DNAJC13: variants seen among roughly 807,000 people sequenced by gnomAD.
DNAJC13 encodes DnaJ heat shock protein family (Hsp40) member C13.
Under a neutral mutation model 290.5 loss-of-function variants are expected in DNAJC13, and 75 were observed. That is an observed-to-expected ratio of 0.26 (90% CI 0.21 to 0.31). The LOEUF (loss-of-function observed/expected upper bound fraction) is 0.31. DNAJC13 is among the 10% of genes least tolerant of loss of function. The probability of loss-of-function intolerance (pLI) is 1.00; values close to 1 mark genes in which losing one functional copy is unlikely to be tolerated. For missense variants in DNAJC13, 2,260 were observed against 2,674.5 expected (o/e 0.85, Z 3.42); for synonymous variants, 862 against 892.0 (o/e 0.97, Z 0.60).
chr3:132,463,957 C>A (rs1933893516), intron 17 of DNAJC13, 140 bp downstream of exon 17: 2 of 1,017,930 alleles, frequency 2.0e-6, no homozygotes, highest in Admixed American at 3.5e-5. Flanking sequence ...CCTTTCCTTA[C>A]AGAAGGATTT....
chr3:132,463,132 A>T (rs912671911), intron 16 of DNAJC13, among the ~76,000 whole-genome samples: 7 of 152,236 alleles, frequency 4.6e-5, no homozygotes, highest in African/African-American at 1.7e-4. Flanking sequence ...AAGCAATTTG[A>T]ATACAATTGA....
intron 24 of DNAJC13, among the ~76,000 whole-genome samples, chr3:132,478,547 A>G (rs931369111): frequency 6.6e-6 from 1 of 152,224 alleles, no homozygotes; most frequent in African/African-American, 2.4e-5. Context: ...TAAAACTACA[A>G]TGCTACCCTT....
chr3:132,428,999 C>A (rs1160384998), intron 1 of DNAJC13, among the ~76,000 whole-genome samples: 3 of 152,076 alleles, frequency 2.0e-5, no homozygotes, highest in African/African-American at 7.2e-5. Flanking sequence ...TCCCAAAGTG[C>A]CAGGATTACA....
chr3:132,499,819 A>G lies in DNAJC13; in HGVS notation c.4416+11A>G. ...GACATGTCAGTACAGGTGAGGCTAAAACCTGTGGTTCCAAGAAAATTGCAC... is the reference window on the plus strand; with the variant it reads ...GACATGTCAGTACAGGTGAGGCTAAGACCTGTGGTTCCAAGAAAATTGCAC... On this transcript the variant is annotated intron_variant, in intron 38 of 55. Transcript: ENST00000260818. 1 of 1,611,208 alleles carries G rather than the reference A, an allele frequency of 6.2e-7. No homozygotes were observed. Among genetic ancestry groups the G allele is most frequent in the Non-Finnish European group, 8.5e-7 (1 of 1,178,458 alleles).
At chr3:132,525,995 A>C in intron 52 of DNAJC13, 146 bp from the exon 53 acceptor site, 1 of 1,244,942 alleles carries the variant, frequency 8.0e-7, no homozygotes, top group Non-Finnish European at 1.1e-6. Flanking sequence ...TAGGTGATAT[A>C]ATTAATAGAT....
chr3:132,427,472 CAT>C (rs1464228621), intron 1 of DNAJC13, among the ~76,000 whole-genome samples: 4 of 152,028 alleles, frequency 2.6e-5, no homozygotes, highest in African/African-American at 9.7e-5. Flanking sequence ...TTATGGGAAA[CAT>C]AAATTGTAAC....
At chr3:132,508,542 T>C (rs955883696) in intron 43 of DNAJC13, among the ~76,000 whole-genome samples, 1 of 152,278 alleles carries the variant, frequency 6.6e-6, no homozygotes, top group South Asian at 2.1e-4. Flanking sequence ...ACTTTGAGAA[T>C]GATAAATCTG....
At chr3:132,534,706 C>T (rs558108460) in intron 55 of DNAJC13, among the ~76,000 whole-genome samples, 20 of 152,334 alleles carry the variant, frequency 1.3e-4, no homozygotes, top group African/African-American at 4.8e-4. Flanking sequence ...GCTTCTAACT[C>T]TTGCTGTCTG....
At chr3:132,432,135 C>T (rs1387491846) in intron 1 of DNAJC13, among the ~76,000 whole-genome samples, 2 of 152,030 alleles carry the variant, frequency 1.3e-5, no homozygotes, top group African/African-American at 2.4e-5. Context: ...TAAAGAATTC[C>T]AACTATTCAG....
At chr3:132,530,973 C>G (rs774559426) in intron 54 of DNAJC13, 25 bp from the exon 55 acceptor site, 3 of 1,598,634 alleles carry the variant, frequency 1.9e-6, no homozygotes, top group African/African-American at 1.3e-5. Flanking sequence ...ATTTTATGTT[C>G]AAAGGGCTTG....
intron 55 of DNAJC13, chr3:132,537,332 C>A: frequency 2.3e-6 from 1 of 428,086 alleles, no homozygotes; most frequent in Non-Finnish European, 4.7e-6. Flanking sequence ...CCTCAATGTT[C>A]CTTAGTTGTT....
rs543905953 is a variant in DNAJC13 at position 132,453,603 on chromosome 3, C to G, written c.749C>G (p.Pro250Arg). Residue 250 changes from proline (P) to arginine (R), a missense_variant, in exon 8 of 56, where the codon CCT becomes CGT. Coordinates refer to ENST00000260818, the MANE Select transcript of DNAJC13 (RefSeq NM_015268.4). ...TCTCAATTTTATTTTTTGAAGGAGC[C>G]TGTTAAAAGAGTTCTAGCACTTACA... is the stretch of plus-strand genomic sequence containing the variant. ...VQKISPRHSE[P>R]VKRVLALTET... The G allele has an allele frequency of 5.0e-6, 8 of 1,609,994 alleles. No homozygotes were observed. In the South Asian group the frequency reaches 8.9e-5, roughly 18 times the overall value.
intron 4 of DNAJC13, 63 bp from the exon 5 acceptor site, chr3:132,447,835 G>C: frequency 1.5e-6 from 2 of 1,330,018 alleles, no homozygotes; most frequent in South Asian, 1.2e-5. Context: ...GAGTAGAAGG[G>C]AGTGAGCCAA....
At chr3:132,508,242 G>A (rs1935655352) in intron 43 of DNAJC13, among the ~76,000 whole-genome samples, 1 of 152,088 alleles carries the variant, frequency 6.6e-6, no homozygotes, top group South Asian at 2.1e-4. Flanking sequence ...GAGGTTTAAG[G>A]AAAAAAACTG....
At position 132,505,344 on chromosome 3, in the gene DNAJC13, A is replaced by C; in HGVS notation, c.4927A>C (p.Ile1643Leu). 6.2e-7 allele frequency: 1 copy of C among 1,611,332 alleles called. No homozygotes were observed. Among genetic ancestry groups the C allele is most frequent in the Non-Finnish European group, 8.5e-7 (1 of 1,178,672 alleles). The stretch of plus-strand genomic sequence containing the variant: ...CAGCAACACAGAAAGTCCATATTTG[A>C]TATGGAACAATTCTACAAGAGCAGA... ...LNSNTESPYL[I>L]WNNSTRAELL... Residue 1643 changes from isoleucine (I) to leucine (L), a missense_variant, in exon 42 of 56, where the codon ATA becomes CTA. Ile to Leu is a conservative substitution (Grantham distance 5). Coordinates refer to ENST00000260818, the MANE Select transcript of DNAJC13 (RefSeq NM_015268.4).
intron 54 of DNAJC13, among the ~76,000 whole-genome samples, chr3:132,530,537 A>G (rs938323922): frequency 6.6e-6 from 1 of 152,218 alleles, no homozygotes; most frequent in South Asian, 2.1e-4. Context: ...TTTTTCAACA[A>G]CACTCCTGAT....
chr3:132,526,779 A>G (rs1323020550), intron 53 of DNAJC13, among the ~76,000 whole-genome samples: 2 of 152,228 alleles, frequency 1.3e-5, no homozygotes, highest in African/African-American at 4.8e-5. Flanking sequence ...GTGGATATCC[A>G]TGTAGACAGA....
intron 54 of DNAJC13, among the ~76,000 whole-genome samples, chr3:132,529,268 C>T (rs1445273565): frequency 6.6e-6 from 1 of 152,192 alleles, no homozygotes; most frequent in Non-Finnish European, 1.5e-5. Flanking sequence ...GTTACCAATG[C>T]TTCATTTTTA....
rs558102985 is a variant in DNAJC13 at position 132,453,543 on chromosome 3, G to A, written c.744+39G>A. ...GTTAAAAATGAAAATTTGTTCACCT[G>A]ATTTTGACGTTTTAAAAAATAACTT... On this transcript the variant is annotated intron_variant, in intron 7 of 55. Transcript: ENST00000260818. The A allele has an allele frequency of 8.8e-5, 141 of 1,609,106 alleles. 1 individual carries two copies. The South Asian group carries it at 1.0e-3, about 12-fold the overall frequency.
Sources: allele counts gnomAD v4.1 joint callset (sites outside exome capture counted in the v4.1 genomes callset), GRCh38; gene constraint gnomAD v4.1.1; transcripts MANE v1.5; gene names NCBI Gene and HGNC (gene_info 2026-07-23, HGNC 2026-07-21).